The following TARBP1 variants were observed in gnomAD, a reference collection of about 807,000 sequenced individuals.
TARBP1 encodes the protein tRNA guanosine 2 -O-methyltransferase TARBP1, also known as tRNA (guanosine(18)-2'-O)-methyltransferase TARBP1.
TARBP1 carries 144 observed loss-of-function variants against 178.6 expected under a neutral mutation model. The ratio of observed to expected loss-of-function variants is 0.81; its 90% confidence interval spans 0.70 to 0.93. The LOEUF (loss-of-function observed/expected upper bound fraction) is 0.93, where lower values mean the gene tolerates loss of function less well. TARBP1 is among the 40% of genes least tolerant of loss of function. The pLI is 0.00. For missense variants in TARBP1, 2,067 were observed against 2,011.7 expected (o/e 1.03, Z -0.53); for synonymous variants, 787 against 781.0 (o/e 1.01, Z -0.13).
At chr1:234,402,627 T>G (rs1660809818) in intron 24 of TARBP1, among the ~76,000 whole-genome samples, 1 of 151,946 alleles carries the variant, frequency 6.6e-6, no homozygotes. Context: ...CAGGCTGGAG[T>G]GCAGTGGTGC....
chr1:234,456,362 C>G (rs1667286270), intron 9 of TARBP1, among the ~76,000 whole-genome samples: 2 of 152,218 alleles, frequency 1.3e-5, no homozygotes, highest in South Asian at 4.1e-4. Flanking sequence ...CACCATGCCC[C>G]GATAATTTTT....
At chr1:234,432,779 A>T (rs1664600973) in intron 14 of TARBP1, among the ~76,000 whole-genome samples, 1 of 152,066 alleles carries the variant, frequency 6.6e-6, no homozygotes, top group Admixed American at 6.6e-5. Flanking sequence ...TGTGGGAAGG[A>T]GGGGGAAAGG....
chr1:234,413,585 G>A (rs1212793646), intron 22 of TARBP1, among the ~76,000 whole-genome samples: 1 of 152,196 alleles, frequency 6.6e-6, no homozygotes, highest in Non-Finnish European at 1.5e-5. Flanking sequence ...ACCACACAGA[G>A]AGACTAGAGA....
At chr1:234,464,931 A>C (rs74147473) in intron 5 of TARBP1, among the ~76,000 whole-genome samples, 1,954 of 152,338 alleles carry the variant, frequency 0.013, 51 homozygotes, top group African/African-American at 0.045. Flanking sequence ...ACTGTGGCCT[A>C]TAAGTAGAGA....
chr1:234,442,569 A>T (rs1665701986), intron 12 of TARBP1, among the ~76,000 whole-genome samples: 1 of 152,242 alleles, frequency 6.6e-6, no homozygotes, highest in Non-Finnish European at 1.5e-5. Flanking sequence ...TTAAAAAATT[A>T]AAAACTATAA....
At chr1:234,470,957 T>C (rs1668989677) in intron 3 of TARBP1, among the ~76,000 whole-genome samples, 2 of 152,106 alleles carry the variant, frequency 1.3e-5, no homozygotes, top group African/African-American at 4.8e-5. Context: ...TATGAGTAGA[T>C]GCATATAGTT....
At chr1:234,430,347 T>G in intron 14 of TARBP1, 46 bp from the exon 15 acceptor site, 1 of 1,552,546 alleles carries the variant, frequency 6.4e-7, no homozygotes, top group Non-Finnish European at 8.8e-7. Context: ...GCACAAGTCT[T>G]AATCAGTAAT....
Position 234,466,197 on chromosome 1 carries a change from G to C in TARBP1, c.1249-489C>G, listed in dbSNP as rs906386356. Among the ~76,000 whole-genome samples, 3 of 152,262 alleles carry C rather than the reference G, an allele frequency of 2.0e-5. No individual in the cohort carries two copies. In the East Asian group the frequency reaches 5.8e-4, roughly 29 times the overall value. ...ACATGATGCATATCAATATACCACAGCATATATTAAAATAATTAGAAAAAA... is the reference window on the plus strand; with the variant it reads ...ACATGATGCATATCAATATACCACACCATATATTAAAATAATTAGAAAAAA... On this transcript the variant is annotated intron_variant, in intron 4 of 29. Coordinates refer to ENST00000040877, the MANE Select transcript of TARBP1 (RefSeq NM_005646.4).
At chr1:234,445,596 C>T (rs1467643840) in intron 12 of TARBP1, among the ~76,000 whole-genome samples, 1 of 152,152 alleles carries the variant, frequency 6.6e-6, no homozygotes, top group Non-Finnish European at 1.5e-5. Flanking sequence ...AGCCTTTTAA[C>T]ATGTCAATTA....
At chr1:234,405,269 CA>C (rs1661100029) in intron 24 of TARBP1, 1 of 151,998 alleles carries the variant, frequency 6.6e-6, no homozygotes, top group African/African-American at 2.4e-5. Context: ...AATAAAAAGG[CA>C]AAACAGCACC....
intron 12 of TARBP1, among the ~76,000 whole-genome samples, chr1:234,444,922 T>C (rs1665992364): frequency 6.6e-6 from 1 of 152,130 alleles, no homozygotes; most frequent in South Asian, 2.1e-4. Context: ...CACATAAACA[T>C]GGTTATATTC....
chr1:234,414,811 C>T (rs1662233112), intron 22 of TARBP1, among the ~76,000 whole-genome samples: 1 of 151,986 alleles, frequency 6.6e-6, no homozygotes, highest in Non-Finnish European at 1.5e-5. Context: ...ATGGTAAAAC[C>T]CATCTCTACT....
chr1:234,465,252 A>G (rs1233460724), intron 5 of TARBP1, among the ~76,000 whole-genome samples: 1 of 152,258 alleles, frequency 6.6e-6, no homozygotes, highest in Non-Finnish European at 1.5e-5. Context: ...GGAAATGAGA[A>G]TTCTTTGGAT....
intron 23 of TARBP1, chr1:234,406,366 C>A: frequency 2.4e-6 from 1 of 422,478 alleles, no homozygotes; most frequent in East Asian, 3.9e-5. Flanking sequence ...TACTCTAGTA[C>A]CTGAGTTAAC....
intron 22 of TARBP1, among the ~76,000 whole-genome samples, chr1:234,412,385 G>A (rs1441631095): frequency 1.3e-5 from 2 of 149,660 alleles, no homozygotes; most frequent in African/African-American, 4.9e-5. Flanking sequence ...TCACACCACT[G>A]CACTCCAGCC....
chr1:234,399,549 G>C (rs1422993659), intron 25 of TARBP1, among the ~76,000 whole-genome samples: 3 of 152,078 alleles, frequency 2.0e-5, no homozygotes, highest in African/African-American at 7.2e-5. Context: ...TATACACAAG[G>C]ACTATAAATC....
intron 3 of TARBP1, 68 bp from the exon 4 acceptor site, chr1:234,467,718 CATAA>C: frequency 1.4e-6 from 2 of 1,391,510 alleles, no homozygotes; most frequent in Non-Finnish European, 1.9e-6. Flanking sequence ...ACTACATACT[CATAA>C]ATAATGTACA....
At chr1:234,450,102 C>T (rs1215926283) in intron 10 of TARBP1, among the ~76,000 whole-genome samples, 1 of 152,052 alleles carries the variant, frequency 6.6e-6, no homozygotes, top group Non-Finnish European at 1.5e-5. Flanking sequence ...GCTCCAAAAC[C>T]ATATCTGCAG....
intron 9 of TARBP1, among the ~76,000 whole-genome samples, chr1:234,453,234 C>A (rs1319793117): frequency 6.6e-6 from 1 of 151,446 alleles, no homozygotes; most frequent in Non-Finnish European, 1.5e-5. Flanking sequence ...AAATGAACCA[C>A]ACTAATACAA....
Sources: gnomAD v4.1 joint callset for allele counts (sites outside exome capture counted in the v4.1 genomes callset) on GRCh38, gnomAD v4.1.1 for gene constraint, MANE v1.5 for transcripts, NCBI Gene and HGNC (gene_info 2026-07-23, HGNC 2026-07-21) for gene names.